The following ALOX5 variants were observed in gnomAD, a reference collection of about 807,000 sequenced individuals.
The protein encoded by ALOX5 is polyunsaturated fatty acid 5-lipoxygenase.
A neutral mutation model predicts 87.9 loss-of-function variants in ALOX5; 64 were observed. That is an observed-to-expected ratio of 0.73 (90% confidence interval 0.60 to 0.90). The LOEUF is 0.90. ALOX5 is among the 40% of genes least tolerant of loss of function. The probability of loss-of-function intolerance (pLI) is 0.00; values close to 1 mark genes in which losing one functional copy is unlikely to be tolerated. For missense variants in ALOX5, 822 were observed against 907.5 expected (o/e 0.91, Z 1.21); for synonymous variants, 388 against 355.1 (o/e 1.09, Z -1.04).
intron 2 of ALOX5, among the ~76,000 whole-genome samples, chr10:45,395,537 A>G (rs1337871382): frequency 6.6e-6 from 1 of 152,132 alleles, no homozygotes; most frequent in Admixed American, 6.6e-5. Flanking sequence ...GCACACCAAC[A>G]TGACACATGT....
In ALOX5 at chr10:45,425,104, G is replaced by T. The variant is rs771424855; in HGVS notation, c.806G>T (p.Arg269Leu). 1.2e-6 allele frequency: 2 copies of T among 1,613,894 alleles called. No individual in the cohort carries two copies. The highest frequency in any genetic ancestry group is 1.7e-6 in the Non-Finnish European group (2 of 1,179,990). The change falls in exon 6 of 14, where the codon CGG becomes CTG. Residue 269 changes from arginine (R) to leucine (L), a missense_variant. By Grantham distance (102) the Arg-to-Leu change is moderately radical. Transcript: ENST00000374391. This position sits in a 1 kb window ranked among gnomAD's most constrained non-coding sequence, Gnocchi z 4.4. ...TTEMVECSLE[R>L]QLSLEQEVQQ... ...GAGATGGTAGAGTGCAGCCTGGAGC[G>T]GCAGCTCAGCTTGGAGCAGGAGGTC...
intron 7 of ALOX5, among the ~76,000 whole-genome samples, chr10:45,439,032 T>C (rs551427852): frequency 1.3e-5 from 2 of 152,326 alleles, no homozygotes; most frequent in East Asian, 3.9e-4. Context: ...CACACCTGAT[T>C]TTTAAGACTT....
At chr10:45,400,330 A>C (rs1371155704) in intron 3 of ALOX5, among the ~76,000 whole-genome samples, 1 of 152,196 alleles carries the variant, frequency 6.6e-6, no homozygotes, top group Admixed American at 6.5e-5. Flanking sequence ...CCAAGCGCGG[A>C]GGCTCACACC....
At chr10:45,418,721 G>A (rs1203872377) in intron 4 of ALOX5, among the ~76,000 whole-genome samples, 5 of 152,228 alleles carry the variant, frequency 3.3e-5, no homozygotes, top group African/African-American at 1.2e-4. Flanking sequence ...CAGGTGTGGC[G>A]AGGCCAGGCC....
At chr10:45,391,262 T>G (rs1490984656) in intron 2 of ALOX5, among the ~76,000 whole-genome samples, 1 of 152,112 alleles carries the variant, frequency 6.6e-6, no homozygotes, top group African/African-American at 2.4e-5. Flanking sequence ...CTGACTGTTT[T>G]TCATATTTTT....
At chr10:45,392,094 GC>G (rs767713318) in intron 2 of ALOX5, among the ~76,000 whole-genome samples, 105 of 151,152 alleles carry the variant, frequency 6.9e-4, no homozygotes, top group Non-Finnish European at 1.3e-3. Context: ...GGGGGGGTCA[GC>G]CCCCCGCCCG....
In ALOX5 at chr10:45,395,941, G is replaced by T; in HGVS notation, c.431+5G>T. ...AACACGGCAAAAACAATATCGGTGA[G>T]TTATGACATCAGATCGAGTGGCCAC... On this transcript the variant is annotated splice_donor_5th_base_variant and intron_variant, in intron 3 of 13. Coordinates refer to ENST00000374391, the MANE Select transcript of ALOX5 (RefSeq NM_000698.5). 6.2e-7 allele frequency: 1 copy of T among 1,614,084 alleles called. No individual in the cohort carries two copies. The highest frequency in any genetic ancestry group is 8.5e-7 in the Non-Finnish European group (1 of 1,179,872).
chr10:45,434,950 C>T lies in ALOX5; in HGVS notation c.982-5480C>T, dbSNP rs187732548. Among the ~76,000 whole-genome samples, 388 of 152,314 alleles carry T rather than the reference C, an allele frequency of 2.5e-3. 1 individual carries two copies. The highest frequency in any genetic ancestry group is 3.9e-3 in the Non-Finnish European group (264 of 68,020). Reference sequence around the variant, plus strand: ...CTGTCATGACTCAGATTTCTTTTTACGATAAGCACATATTCTTTTCTAATC... The same window carrying T: ...CTGTCATGACTCAGATTTCTTTTTATGATAAGCACATATTCTTTTCTAATC... On this transcript the variant is annotated intron_variant, in intron 7 of 13. Coordinates refer to ENST00000374391, the MANE Select transcript of ALOX5 (RefSeq NM_000698.5).
rs553672395 is a variant in ALOX5 at position 45,424,853 on chromosome 10, G to A, written c.662-107G>A. ...CTGTGCCCATCCAGGGAGCACTCGG[G>A]AGAGGAGACCAAGCAGGGACTCTGC... On this transcript the variant is annotated intron_variant, in intron 5 of 13. Coordinates refer to ENST00000374391, the MANE Select transcript of ALOX5 (RefSeq NM_000698.5). 4 of 1,394,214 alleles carry A rather than the reference G, an allele frequency of 2.9e-6. No individual in the cohort carries two copies. In the African/African-American group the frequency reaches 4.3e-5, roughly 15 times the overall value. 86.4% of individuals were successfully genotyped at this position (1,394,214 alleles called of 1,614,324 possible).
chr10:45,412,053 G>A (rs546009856), intron 3 of ALOX5, 138 bp from the exon 4 acceptor site: 2 of 1,276,054 alleles, frequency 1.6e-6, no homozygotes, highest in East Asian at 2.4e-5. Context: ...CACAGGGTCA[G>A]CCTATGATGT....
chr10:45,424,370 C>T (rs181320952), intron 5 of ALOX5, among the ~76,000 whole-genome samples: 6 of 152,300 alleles, frequency 3.9e-5, no homozygotes, highest in African/African-American at 7.2e-5. Context: ...TATTCAAGCT[C>T]GAGCACCCTC....
chr10:45,444,093 C>G (rs1422608874), intron 12 of ALOX5, 23 bp from the exon 13 acceptor site: 2 of 1,513,480 alleles, frequency 1.3e-6, no homozygotes, highest in African/African-American at 1.4e-5. Flanking sequence ...GGTGCCCACG[C>G]TTGCTGGCGG....
intron 3 of ALOX5, 22 bp downstream of exon 3, chr10:45,395,958 A>C (rs1564421195): frequency 3.7e-6 from 6 of 1,610,072 alleles, no homozygotes; most frequent in South Asian, 1.1e-5. Flanking sequence ...CATCAGATCG[A>C]GTGGCCACGG....
At chr10:45,410,887 G>A (rs969025229) in intron 3 of ALOX5, among the ~76,000 whole-genome samples, 1 of 152,196 alleles carries the variant, frequency 6.6e-6, no homozygotes, top group Non-Finnish European at 1.5e-5. Flanking sequence ...TCCATAAAGT[G>A]AAAGCAAGTT....
In ALOX5 at chr10:45,445,614, A is replaced by T; in HGVS notation, c.1952A>T (p.Glu651Val). 6.2e-7 allele frequency: 1 copy of T among 1,614,122 alleles called. No individual in the cohort carries two copies. The highest frequency in any genetic ancestry group is 1.7e-5 in the Admixed American group (1 of 60,024). ...NLEAIVSVIA[E>V]RNKKKQLPYY... ...GAGGCCATTGTCAGCGTGATTGCTG[A>T]GCGCAACAAGAAGAAGCAGCTGCCA... The change falls in exon 14 of 14, where the codon GAG becomes GTG. Residue 651 changes from glutamate (E) to valine (V), a missense_variant. Transcript: ENST00000374391.
chr10:45,374,514 C>T, intron 1 of ALOX5, 85 bp downstream of exon 1: 1 of 1,291,840 alleles, frequency 7.7e-7, no homozygotes, highest in Non-Finnish European at 1.0e-6. Context: ...GGCGGGGGCG[C>T]CGAGGGCCCG....
intron 2 of ALOX5, among the ~76,000 whole-genome samples, chr10:45,384,193 C>G (rs973163643): frequency 6.6e-6 from 1 of 152,164 alleles, no homozygotes; most frequent in Non-Finnish European, 1.5e-5. Context: ...CTGCGGCCCT[C>G]AGTAGAAAGG....
In ALOX5 at chr10:45,428,665, T is replaced by A; in HGVS notation, c.882T>A (p.Asp294Glu). 1 of 1,614,110 alleles carries A rather than the reference T, an allele frequency of 6.2e-7. No individual in the cohort carries two copies. The highest frequency in any genetic ancestry group is 8.5e-7 in the Non-Finnish European group (1 of 1,180,022). ...IVDFELLDGI[D>E]ANKTDPCTLQ... ...ACTTTGAGCTGCTGGATGGCATCGA[T>A]GCCAACAAAACAGACCCCTGCACAC... is the stretch of plus-strand genomic sequence containing the variant. The change falls in exon 7 of 14, where the codon GAT (aspartate) becomes GAA (glutamate). Residue 294 changes from aspartate (D) to glutamate (E), a missense_variant. By Grantham distance (45) the Asp-to-Glu change is conservative. Coordinates refer to ENST00000374391, the MANE Select transcript of ALOX5 (RefSeq NM_000698.5).
At chr10:45,434,347 T>G (rs1589042440) in intron 7 of ALOX5, among the ~76,000 whole-genome samples, 3 of 152,170 alleles carry the variant, frequency 2.0e-5, no homozygotes, top group African/African-American at 7.2e-5. Context: ...TAGCAGCCAC[T>G]CAGCAGAAAT....
Sources: allele counts gnomAD v4.1 joint callset (sites outside exome capture counted in the v4.1 genomes callset), GRCh38; gene constraint gnomAD v4.1.1; non-coding constraint Gnocchi (gnomAD v3.1); transcripts MANE v1.5; gene names NCBI Gene and HGNC (gene_info 2026-07-23, HGNC 2026-07-21).